UBE4B: variants seen among roughly 807,000 people sequenced by gnomAD.
UBE4B encodes ubiquitination factor E4B.
In UBE4B, 27 loss-of-function variants were observed where a neutral mutation model predicts 148.1. That is an observed-to-expected ratio of 0.18 (90% CI 0.13 to 0.25). The LOEUF (loss-of-function observed/expected upper bound fraction) is 0.25. UBE4B is among the 10% of genes least tolerant of loss of function. UBE4B has a pLI of 1.00. For missense variants in UBE4B, 1,170 were observed against 1,662.4 expected, an observed-to-expected ratio of 0.70 and a Z score of 5.15; for synonymous variants, 596 against 619.3, an observed-to-expected ratio of 0.96 and a Z score of 0.56.
At chr1:10,173,954 C>T (rs1028083236) in intron 25 of UBE4B, among the ~76,000 whole-genome samples, 5 of 152,182 alleles carry the variant, frequency 3.3e-5, no homozygotes, top group Non-Finnish European at 7.3e-5. Context: ...TGGTGGTGGC[C>T]TCTGGTGGCA....
intron 22 of UBE4B, among the ~76,000 whole-genome samples, chr1:10,159,762 A>G (rs1646131523): frequency 1.3e-5 from 2 of 152,252 alleles, no homozygotes; most frequent in African/African-American, 2.4e-5. Context: ...CTTTGATCAA[A>G]TCTAGCTATA....
intron 19 of UBE4B, among the ~76,000 whole-genome samples, chr1:10,147,849 T>C (rs946446257): frequency 5.3e-5 from 8 of 152,202 alleles, no homozygotes; most frequent in Non-Finnish European, 1.2e-4. Context: ...ATTATTATTA[T>C]TATTTTACTG....
At chr1:10,112,730 ACACT>A (rs1274761576) in intron 7 of UBE4B, among the ~76,000 whole-genome samples, 1 of 152,224 alleles carries the variant, frequency 6.6e-6, no homozygotes, top group Non-Finnish European at 1.5e-5. Context: ...CTTCAGTATC[ACACT>A]CAAAATTTGA....
intron 21 of UBE4B, among the ~76,000 whole-genome samples, chr1:10,154,527 G>A (rs1360475282): frequency 6.6e-6 from 1 of 152,062 alleles, no homozygotes; most frequent in Non-Finnish European, 1.5e-5. Context: ...TATTTATAAA[G>A]CAGTGCAGTG....
chr1:10,069,302 A>G (rs1339206509), intron 1 of UBE4B, among the ~76,000 whole-genome samples: 1 of 152,178 alleles, frequency 6.6e-6, no homozygotes, highest in Non-Finnish European at 1.5e-5. Flanking sequence ...AGTATTTCTC[A>G]TTTATTCAGC....
At position 10,179,998 on chromosome 1, in the gene UBE4B, A is replaced by G. The variant is rs745964261; in HGVS notation, c.*42A>G. 6.2e-7 allele frequency: 1 copy of G among 1,611,798 alleles called. No homozygotes were observed. On this transcript the variant is annotated 3_prime_UTR_variant, in exon 28 of 28. Transcript: ENST00000343090. The stretch of plus-strand genomic sequence containing the variant: ...CCCTCTGCTAGACACAGCCAAGGCC[A>G]ACGAGGCAAGCAGAAGCAGCGGCCG...
intron 1 of UBE4B, among the ~76,000 whole-genome samples, chr1:10,065,145 T>C (rs1252602294): frequency 1.3e-5 from 2 of 152,314 alleles, no homozygotes; most frequent in East Asian, 3.9e-4. Context: ...ACTTTGTCTG[T>C]ATATAAATGT....
At chr1:10,069,216 A>G (rs1644442811) in intron 1 of UBE4B, among the ~76,000 whole-genome samples, 1 of 152,236 alleles carries the variant, frequency 6.6e-6, no homozygotes, top group African/African-American at 2.4e-5. Flanking sequence ...TTCCAACAAT[A>G]GTGGGTATGC....
At chr1:10,129,511 CCT>C in intron 12 of UBE4B, 63 bp downstream of exon 12, 1 of 1,515,862 alleles carries the variant, frequency 6.6e-7, no homozygotes, top group Non-Finnish European at 9.1e-7. Context: ...AGAAGGCATT[CCT>C]CTAGTGAGAT....
At chr1:10,086,213 T>TA (rs1238433482) in intron 2 of UBE4B, among the ~76,000 whole-genome samples, 1 of 152,088 alleles carries the variant, frequency 6.6e-6, no homozygotes, top group Non-Finnish European at 1.5e-5. Flanking sequence ...CCTCGTGATC[T>TA]ATCTGCCTCG....
intron 17 of UBE4B, among the ~76,000 whole-genome samples, chr1:10,138,958 A>G (rs1645740617): frequency 1.3e-5 from 2 of 152,140 alleles, no homozygotes; most frequent in Non-Finnish European, 2.9e-5. Flanking sequence ...TTTTATATTA[A>G]TGTTTTTATA....
intron 2 of UBE4B, among the ~76,000 whole-genome samples, chr1:10,089,937 C>T (rs1644818951): frequency 6.6e-6 from 1 of 151,900 alleles, no homozygotes; most frequent in South Asian, 2.1e-4. Flanking sequence ...CTCCTTGATC[C>T]GCCCACCTCG....
intron 26 of UBE4B, chr1:10,179,201 C>G (rs887792615): frequency 6.8e-6 from 4 of 589,622 alleles, no homozygotes; most frequent in East Asian, 2.9e-5. Flanking sequence ...GTTCCCTCCC[C>G]CCAGCAGTAG....
intron 4 of UBE4B, 72 bp downstream of exon 4, chr1:10,101,267 C>A: frequency 6.7e-7 from 1 of 1,487,546 alleles, no homozygotes; most frequent in Non-Finnish European, 9.3e-7. Context: ...TCTGTAGAGT[C>A]TGTTAGATTG....
chr1:10,039,719 C>T (rs935522350), intron 1 of UBE4B, among the ~76,000 whole-genome samples: 2 of 151,720 alleles, frequency 1.3e-5, no homozygotes, highest in Admixed American at 1.3e-4. Flanking sequence ...GGATTACAGG[C>T]GTGAGCCACT....
intron 15 of UBE4B, among the ~76,000 whole-genome samples, chr1:10,133,959 A>G (rs1645636214): frequency 6.6e-6 from 1 of 151,844 alleles, no homozygotes; most frequent in African/African-American, 2.4e-5. Context: ...CTGAAGTGGG[A>G]GGATCACTTA....
intron 25 of UBE4B, among the ~76,000 whole-genome samples, chr1:10,172,084 G>T (rs915531666): frequency 1.3e-5 from 2 of 152,020 alleles, no homozygotes; most frequent in Admixed American, 1.3e-4. Context: ...TTATTTTTGG[G>T]GTTGTCCAGA....
intron 1 of UBE4B, among the ~76,000 whole-genome samples, chr1:10,042,971 G>C (rs939461080): frequency 1.3e-5 from 2 of 151,898 alleles, no homozygotes; most frequent in African/African-American, 4.8e-5. Flanking sequence ...TTCTGTGCAA[G>C]GGGCACAGTG....
Position 10,095,582 on chromosome 1 carries a change from C to G in UBE4B, c.333C>G (p.Val111=). The G allele has an allele frequency of 1.2e-6, 2 of 1,614,020 alleles. No homozygotes were observed. Among genetic ancestry groups the G allele is most frequent in the Non-Finnish European group, 1.7e-6 (2 of 1,180,010 alleles). ...CCCAGAGCATGGATATCGATGGTGT[C>G]TCATGTGAGAAAAGGTAAAATGAAG... ...SRSQSMDIDG[V]SCEKSMSQVD... Residue 111 remains valine (V), a synonymous_variant, in exon 3 of 28, where the codon GTC becomes GTG. Coordinates refer to ENST00000343090, the MANE Select transcript of UBE4B (RefSeq NM_001105562.3).
Sources: allele counts gnomAD v4.1 joint callset (sites outside exome capture counted in the v4.1 genomes callset), GRCh38; gene constraint gnomAD v4.1.1; transcripts MANE v1.5; gene names NCBI Gene and HGNC (gene_info 2026-07-23, HGNC 2026-07-21).